Variants in DNAH17 observed in about 807,000 individuals in gnomAD.
The protein encoded by DNAH17 is axonemal beta dynein heavy chain 17.
Under a neutral mutation model 485.6 loss-of-function variants are expected in DNAH17, and 376 were observed. That is an observed-to-expected ratio of 0.77 (90% CI 0.71 to 0.84). The LOEUF (loss-of-function observed/expected upper bound fraction) is 0.84, where lower values mean the gene tolerates loss of function less well. DNAH17 is among the 40% of genes least tolerant of loss of function. The pLI, the probability that DNAH17 is intolerant of heterozygous loss-of-function variation, is 0.00. For missense variants in DNAH17, 6,370 were observed against 5,839.3 expected (o/e 1.09, Z -2.96); for synonymous variants, 3,031 against 2,405.9 (o/e 1.26, Z -7.60).
At chr17:78,485,242 G>A (rs2089546832) in intron 47 of DNAH17, 2 of 675,798 alleles carry the variant, frequency 3.0e-6, no homozygotes, top group Admixed American at 6.1e-5. Context: ...GGCGAGGGTG[G>A]CAGGAACCTT....
Position 78,494,804 on chromosome 17 carries a change from C to T in DNAH17, c.6059G>A (p.Gly2020Asp), listed in dbSNP as rs1315699299. 6 of 1,608,026 alleles carry T rather than the reference C, an allele frequency of 3.7e-6. No individual in the cohort carries two copies. Among genetic ancestry groups the T allele is most frequent in the Non-Finnish European group, 5.1e-6 (6 of 1,176,474 alleles). ...CAGCACAGACTTGATGGCTCTCAGG[C>T]CCCAGTCGTAATGATCCTGCGGGCA... ...LLSKQDHYDW[G>D]LRAIKSVLVV... Residue 2020 changes from glycine to aspartate, a missense_variant, in exon 40 of 81, where the codon GGC becomes GAC. Physicochemically the swap from Gly to Asp is moderately conservative, Grantham distance 94. Coordinates refer to ENST00000389840, the MANE Select transcript of DNAH17 (RefSeq NM_173628.4).
chr17:78,574,220 T>C (rs1308170022), intron 2 of DNAH17, among the ~76,000 whole-genome samples: 5 of 152,174 alleles, frequency 3.3e-5, no homozygotes, highest in Non-Finnish European at 5.9e-5. Context: ...CCGGGCATGA[T>C]GGCTCACGCC....
intron 1 of DNAH17, among the ~76,000 whole-genome samples, chr17:78,575,444 G>C (rs530623667): frequency 1.3e-5 from 2 of 152,332 alleles, no homozygotes; most frequent in South Asian, 4.2e-4. Flanking sequence ...GGAAAAGGCA[G>C]AACAAGAGGC....
chr17:78,549,429 C>T (rs1479924993), intron 16 of DNAH17, among the ~76,000 whole-genome samples: 6 of 152,152 alleles, frequency 3.9e-5, no homozygotes, highest in Admixed American at 6.5e-5. Context: ...CTTCCCTCCT[C>T]GGAGGTCACC....
At chr17:78,502,528 G>T in intron 33 of DNAH17, 63 bp downstream of exon 33, 1 of 1,449,750 alleles carries the variant, frequency 6.9e-7, no homozygotes, top group Non-Finnish European at 9.4e-7. Context: ...GGATACACGG[G>T]CCCATGCACC....
At chr17:78,451,800 T>C (rs2087566007) in intron 65 of DNAH17, 127 bp from the exon 66 acceptor site, 10 of 748,518 alleles carry the variant, frequency 1.3e-5, no homozygotes, top group South Asian at 3.8e-5. Flanking sequence ...TTCTGGTCCC[T>C]GGAAGAGCAC....
chr17:78,468,725 C>T lies in DNAH17; in HGVS notation c.8670G>A (p.Val2890=). 1.2e-6 allele frequency: 2 copies of T among 1,614,046 alleles called. No homozygotes were observed. The highest frequency in any genetic ancestry group is 1.7e-6 in the Non-Finnish European group (2 of 1,179,902). ...GTCGCATGGAGGAGATGATGTTCTC[C>T]ACCTCGTCCTCCATAAACAGCCCAG... The part of the protein sequence containing the change: ...EIPGLFMEDE[V]ENIISSMRPQ... Residue 2890 remains valine (V), a synonymous_variant, in exon 55 of 81, where the codon GTG becomes GTA. Transcript: ENST00000389840.
chr17:78,546,256 A>G (rs1280239892), intron 16 of DNAH17, among the ~76,000 whole-genome samples: 3 of 152,238 alleles, frequency 2.0e-5, no homozygotes, highest in African/African-American at 7.2e-5. Flanking sequence ...AAGGTCAAAA[A>G]TGGTCAATTA....
intron 42 of DNAH17, among the ~76,000 whole-genome samples, chr17:78,492,136 G>T (rs1026573944): frequency 1.3e-5 from 2 of 152,120 alleles, no homozygotes; most frequent in Non-Finnish European, 2.9e-5. Flanking sequence ...TCCTGGTCAG[G>T]ACCACCCTGC....
At position 78,459,880 on chromosome 17, in the gene DNAH17, G is replaced by GC; in HGVS notation, c.9556dup (p.Ala3186GlyfsTer26). ...CACCTTGCCCATCATGATCTTGGCC[G>GC]CCTTCCAGCTCTTGTCCTTGGGGAT... On this transcript the variant is annotated frameshift_variant, in exon 60 of 81. Transcript: ENST00000389840. LOFTEE classifies it high-confidence loss of function. 2 of 1,614,044 alleles carry GC rather than the reference G, an allele frequency of 1.2e-6. No individual in the cohort carries two copies. Among genetic ancestry groups the GC allele is most frequent in the Non-Finnish European group, 1.7e-6 (2 of 1,179,902 alleles).
In DNAH17 at chr17:78,553,309, TTTTTTTTTTTA is replaced by T. The variant is rs1168684213; in HGVS notation, c.2179-515_2179-505del. Among the ~76,000 whole-genome samples, 173 of 58,790 alleles carry T rather than the reference TTTTTTTTTTTA, an allele frequency of 2.9e-3. 10 individuals are homozygous for T. Among genetic ancestry groups the T allele is most frequent in the Non-Finnish European group, 5.5e-3 (132 of 23,992 alleles). 38.6% of individuals were successfully genotyped at this position (58,790 alleles called of 152,430 possible). ...TTTTTTTTTTTTTTTTTTTTTTTTT[TTTTTTTTTTTA>T]AGATGGAGTCTCACTCTGTCACCCA... On this transcript the variant is annotated intron_variant, in intron 14 of 80. Coordinates refer to ENST00000389840, the MANE Select transcript of DNAH17 (RefSeq NM_173628.4).
chr17:78,432,435 G>A lies in DNAH17; in HGVS notation c.12225+1594C>T, dbSNP rs1241730534. ...TCCCCAGTGGCATCTATGGCCCATG[G>A]TGGCCCATTGCCAGGGAGCACAGGG... On this transcript the variant is annotated intron_variant, in intron 75 of 80. Transcript: ENST00000389840. 2.0e-5 allele frequency among the ~76,000 whole-genome samples: 3 copies of A among 152,318 alleles called. No homozygotes were observed. The East Asian group carries it at 5.8e-4, about 29-fold the overall frequency.
chr17:78,458,227 T>C (rs2087905422), intron 62 of DNAH17, among the ~76,000 whole-genome samples: 2 of 152,162 alleles, frequency 1.3e-5, no homozygotes, highest in African/African-American at 4.8e-5. Context: ...ATGTAATCCG[T>C]GAAATGACTG....
At position 78,530,435 on chromosome 17, in the gene DNAH17, G is replaced by A. The variant is rs186420030; in HGVS notation, c.3192C>T (p.Cys1064=). 5.7e-4 allele frequency: 919 copies of A among 1,613,526 alleles called. 6 individuals are homozygous for A. The African/African-American group carries it at 0.011, about 19-fold the overall frequency. The change falls in exon 21 of 81, where the codon TGC becomes TGT. Residue 1064 remains cysteine (C), a synonymous_variant. Coordinates refer to ENST00000389840, the MANE Select transcript of DNAH17 (RefSeq NM_173628.4). ...GGGCCTGCTTGAAGGGGCGGCAGTC[G>A]CACTGCAGCCAGCCGTGGAACACCT... ...NTKVFHGWLQ[C]DCRPFKQALL...
intron 74 of DNAH17, among the ~76,000 whole-genome samples, chr17:78,435,760 T>A (rs1043864092): frequency 6.6e-6 from 1 of 152,186 alleles, no homozygotes; most frequent in Non-Finnish European, 1.5e-5. Flanking sequence ...GGACTGGTGC[T>A]GACCTCAGGG....
chr17:78,454,750 A>C (rs762737652), intron 63 of DNAH17, 45 bp from the exon 64 acceptor site: 3 of 1,508,928 alleles, frequency 2.0e-6, no homozygotes, highest in African/African-American at 2.8e-5. Flanking sequence ...ATGCGACCTT[A>C]TTACTTACTA....
Position 78,571,537 on chromosome 17 carries a change from C to G in DNAH17, c.732+53G>C, listed in dbSNP as rs530514103. The G allele has an allele frequency of 3.8e-6, 6 of 1,599,258 alleles. No homozygotes were observed. In the African/African-American group the frequency reaches 5.4e-5, roughly 14 times the overall value. ...GCACTGGGAGGCGGAGAGCTCGGCC[C>G]GGTCGCCCAGCTGGGACGAGGCTGC... On this transcript the variant is annotated intron_variant, in intron 4 of 80. Coordinates refer to ENST00000389840, the MANE Select transcript of DNAH17 (RefSeq NM_173628.4).
chr17:78,542,213 T>C (rs1293219806), intron 17 of DNAH17, among the ~76,000 whole-genome samples: 37 of 151,424 alleles, frequency 2.4e-4, no homozygotes, highest in Non-Finnish European at 3.7e-4. Context: ...AGTGGTGCAA[T>C]CTTGGTTCAC....
At chr17:78,478,245 C>A (rs1363079080) in intron 51 of DNAH17, among the ~76,000 whole-genome samples, 2 of 146,920 alleles carry the variant, frequency 1.4e-5, no homozygotes, top group South Asian at 2.2e-4. Flanking sequence ...CCACCATCAT[C>A]ACCACCATCA....
Sources: gnomAD v4.1 joint callset for allele counts (sites outside exome capture counted in the v4.1 genomes callset) on GRCh38, gnomAD v4.1.1 for gene constraint, MANE v1.5 for transcripts, NCBI Gene and HGNC (gene_info 2026-07-23, HGNC 2026-07-21) for gene names.